STPG4: variants seen among roughly 807,000 people sequenced by gnomAD.
The protein encoded by STPG4 is protein STPG4.
In STPG4, 41 loss-of-function variants were observed where a neutral mutation model predicts 31.5. The observed-to-expected ratio is 1.30, with a 90% CI of 1.01 to 1.69. STPG4 has a LOEUF of 1.69. STPG4 is among the 40% of genes most tolerant of loss of function. The pLI, the probability that STPG4 is intolerant of heterozygous loss-of-function variation, is 0.00. For synonymous variants in STPG4, 141 were observed against 103.0 expected (o/e 1.37, Z -2.24); for missense variants, 375 against 293.4 (o/e 1.28, Z -2.03).
chr2:47,095,313 G>A (rs1228936481), intron 5 of STPG4, among the ~76,000 whole-genome samples: 6 of 152,184 alleles, frequency 3.9e-5, no homozygotes, highest in African/African-American at 1.2e-4. Context: ...ATTAAAAGGG[G>A]AAATTTGGAT....
intron 3 of STPG4, among the ~76,000 whole-genome samples, chr2:47,143,710 G>C (rs1347265566): frequency 6.6e-6 from 1 of 151,594 alleles, no homozygotes; most frequent in Non-Finnish European, 1.5e-5. Context: ...TGATGGTCTC[G>C]ATCTCCTGAC....
chr2:47,129,901 A>C (rs951277573), intron 5 of STPG4, 40 bp downstream of exon 5: 6 of 1,600,014 alleles, frequency 3.7e-6, no homozygotes, highest in Admixed American at 1.8e-5. Context: ...TATTTTAAAC[A>C]TCAAATTCAT....
chr2:47,101,146 C>T (rs1300654826), intron 5 of STPG4, among the ~76,000 whole-genome samples: 1 of 151,798 alleles, frequency 6.6e-6, no homozygotes, highest in African/African-American at 2.4e-5. Flanking sequence ...AATTCAGGGG[C>T]TAAATACCGG....
intron 1 of STPG4, among the ~76,000 whole-genome samples, chr2:47,154,138 G>A (rs1686985315): frequency 2.0e-5 from 3 of 152,140 alleles, no homozygotes. Context: ...CAGTAAAACT[G>A]ATATAATTCA....
At chr2:47,137,452 G>A (rs779221453) in intron 3 of STPG4, among the ~76,000 whole-genome samples, 12 of 152,088 alleles carry the variant, frequency 7.9e-5, no homozygotes, top group East Asian at 1.9e-4. Context: ...TTTTTGTAAT[G>A]TCTTTGTCTG....
At chr2:47,103,337 A>T (rs914967145) in intron 5 of STPG4, among the ~76,000 whole-genome samples, 1 of 151,948 alleles carries the variant, frequency 6.6e-6, no homozygotes, top group African/African-American at 2.4e-5. Context: ...GGGTCAATTG[A>T]TTCTAAAAGA....
chr2:47,117,141 A>AATGTATT, intron 5 of STPG4, among the ~76,000 whole-genome samples: 1 of 152,272 alleles, frequency 6.6e-6, no homozygotes, highest in African/African-American at 2.4e-5. Flanking sequence ...CTTGCTGGGA[A>AATGTATT]GCTTATCAAG....
At chr2:47,114,961 T>A (rs1400663477) in intron 5 of STPG4, among the ~76,000 whole-genome samples, 1 of 152,040 alleles carries the variant, frequency 6.6e-6, no homozygotes, top group Non-Finnish European at 1.5e-5. Flanking sequence ...AGAGACAGGG[T>A]CTCACCATGT....
chr2:47,108,038 A>T (rs1356615136), intron 5 of STPG4, among the ~76,000 whole-genome samples: 1 of 151,720 alleles, frequency 6.6e-6, no homozygotes, highest in Non-Finnish European at 1.5e-5. Flanking sequence ...TTGTGAATGC[A>T]CCAATCCACA....
chr2:47,123,105 C>T (rs1355094873), intron 5 of STPG4, among the ~76,000 whole-genome samples: 1 of 152,196 alleles, frequency 6.6e-6, no homozygotes. Context: ...GGATTACAGG[C>T]GTGAGCCACT....
intron 5 of STPG4, among the ~76,000 whole-genome samples, chr2:47,122,181 C>G (rs1276821205): frequency 2.0e-5 from 3 of 152,108 alleles, no homozygotes; most frequent in Non-Finnish European, 2.9e-5. Context: ...ATCTGTTTTA[C>G]TTTTCTGTTG....
At chr2:47,143,862 G>C (rs2103798300) in intron 3 of STPG4, among the ~76,000 whole-genome samples, 1 of 152,240 alleles carries the variant, frequency 6.6e-6, no homozygotes, top group Admixed American at 6.5e-5. Flanking sequence ...TTCACCATTT[G>C]ATACAGGTGA....
In STPG4 at chr2:47,095,430, G is replaced by A. The variant is rs149967644; in HGVS notation, c.520-5056C>T. Among the ~76,000 whole-genome samples the A allele has an allele frequency of 7.2e-3, 1,097 of 152,296 alleles. 2 individuals are homozygous for A. Among genetic ancestry groups the A allele is most frequent in the Middle Eastern group, 0.021 (6 of 292 alleles). On this transcript the variant is annotated intron_variant, in intron 5 of 6. Coordinates refer to ENST00000445927, the MANE Select transcript of STPG4 (RefSeq NM_001163561.2). ...CAAGCCACCACGAGCTGCGAATGAG[G>A]CATGAACAGATTGTCCCTCACAGCA...
chr2:47,100,264 C>A (rs1477997245), intron 5 of STPG4, among the ~76,000 whole-genome samples: 1 of 151,226 alleles, frequency 6.6e-6, no homozygotes, highest in Non-Finnish European at 1.5e-5. Flanking sequence ...AATCAGCACT[C>A]TGTATCTAGC....
intron 5 of STPG4, among the ~76,000 whole-genome samples, chr2:47,115,568 TC>T (rs1686130683): frequency 6.6e-6 from 1 of 151,876 alleles, no homozygotes; most frequent in South Asian, 2.1e-4. Flanking sequence ...TAAAAAATCT[TC>T]CCCTTCTATT....
chr2:47,118,600 G>A (rs776119074), intron 5 of STPG4, among the ~76,000 whole-genome samples: 55 of 152,260 alleles, frequency 3.6e-4, no homozygotes, highest in Non-Finnish European at 6.8e-4. Flanking sequence ...AAAGGTTGGG[G>A]ACCGCTGCAC....
At chr2:47,129,876 C>A in intron 5 of STPG4, 65 bp downstream of exon 5, 1 of 1,589,852 alleles carries the variant, frequency 6.3e-7, no homozygotes, top group Non-Finnish European at 8.5e-7. Flanking sequence ...TTGCTCCACT[C>A]CAGAAAGCAC....
rs144842893 is a variant in STPG4 at position 47,111,581 on chromosome 2, G to C, written c.519+18360C>G. 7.9e-4 allele frequency among the ~76,000 whole-genome samples: 120 copies of C among 152,198 alleles called. 1 individual carries two copies. The highest frequency in any genetic ancestry group is 2.7e-3 in the African/African-American group (112 of 41,534). On this transcript the variant is annotated intron_variant, in intron 5 of 6. Coordinates refer to ENST00000445927, the MANE Select transcript of STPG4 (RefSeq NM_001163561.2). ...TGTTGTGAGTGAAGCACACATTTTG[G>C]TCTTGCAATTTGTGAGGCTTGGTCC...
chr2:47,144,528 A>G (rs2103799137), intron 3 of STPG4, among the ~76,000 whole-genome samples: 1 of 152,324 alleles, frequency 6.6e-6, no homozygotes, highest in East Asian at 1.9e-4. Flanking sequence ...TAGAAAATAA[A>G]TAAATGAACA....
Sources: gnomAD v4.1 joint callset for allele counts (sites outside exome capture counted in the v4.1 genomes callset) on GRCh38, gnomAD v4.1.1 for gene constraint, MANE v1.5 for transcripts, NCBI Gene and HGNC (gene_info 2026-07-23, HGNC 2026-07-21) for gene names.